FUCA1: variants seen among roughly 807,000 people sequenced by gnomAD.
FUCA1 encodes tissue alpha-L-fucosidase.
Under a neutral mutation model 56.8 loss-of-function variants are expected in FUCA1, and 52 were observed. The observed-to-expected ratio is 0.92, with a 90% CI of 0.73 to 1.15. The LOEUF (loss-of-function observed/expected upper bound fraction) is 1.15, where lower values mean the gene tolerates loss of function less well. FUCA1 is among the 50% of genes most tolerant of loss of function. FUCA1 has a pLI of 0.00. For missense variants in FUCA1, 568 were observed against 592.6 expected, an observed-to-expected ratio of 0.96 and a Z score of 0.43; for synonymous variants, 230 against 226.6, an observed-to-expected ratio of 1.02 and a Z score of -0.14.
At chr1:23,862,381 G>A (rs1265299376) in intron 3 of FUCA1, among the ~76,000 whole-genome samples, 1 of 152,126 alleles carries the variant, frequency 6.6e-6, no homozygotes, top group Non-Finnish European at 1.5e-5. Context: ...TGGCCAGGCT[G>A]GTCTCGAACT....
chr1:23,868,109 C>T lies in FUCA1; in HGVS notation c.178G>A (p.Val60Met), dbSNP rs774464015. The part of the protein sequence containing the change: ...PAWFDEAKFG[V>M]FIHWGVFSVP... ...GAGAACACGCCCCAGTGGATGAACA[C>T]CCCGAACTTGGCTTCGTCGAACCAG... Residue 60 changes from valine to methionine, a missense_variant, in exon 1 of 8, where the codon GTG becomes ATG. By Grantham distance (21) the Val-to-Met change is conservative. Coordinates refer to ENST00000374479, the MANE Select transcript of FUCA1 (RefSeq NM_000147.5). 3 of 1,611,912 alleles carry T rather than the reference C, an allele frequency of 1.9e-6. No homozygotes were observed. In the Admixed American group the frequency reaches 5.0e-5, roughly 27 times the overall value.
chr1:23,848,585 A>C, intron 6 of FUCA1, 64 bp downstream of exon 6: 6 of 1,492,782 alleles, frequency 4.0e-6, no homozygotes, highest in Non-Finnish European at 5.6e-6. Context: ...TGTGGACCCA[A>C]GGAGATACCA....
In FUCA1 at chr1:23,845,582, T is replaced by C. The variant is rs1639120755; in HGVS notation, c.*133A>G. On this transcript the variant is annotated 3_prime_UTR_variant, in exon 8 of 8. Transcript: ENST00000374479. ...ATCAGGGTAATGTACTCAGTTCCTT[T>C]AATTAAAATGTGTTGGAAAAGCCAT... 2 of 1,046,386 alleles carry C rather than the reference T, an allele frequency of 1.9e-6. No homozygotes were observed. Among genetic ancestry groups the C allele is most frequent in the African/African-American group, 1.6e-5 (1 of 63,578 alleles). The allele number at this position is 1,046,386 out of a possible 1,614,324, so 64.8% of individuals were successfully genotyped here. A position where few individuals can be genotyped will look rare whatever the true frequency, so the allele number is the denominator to read the frequency against.
chr1:23,853,189 G>T, intron 5 of FUCA1, among the ~76,000 whole-genome samples: 1 of 151,166 alleles, frequency 6.6e-6, no homozygotes, highest in Non-Finnish European at 1.5e-5. Context: ...GAGGTGAGGA[G>T]CGTCTCTGCC....
intron 4 of FUCA1, among the ~76,000 whole-genome samples, chr1:23,854,931 T>A (rs549017907): frequency 3.3e-5 from 5 of 152,278 alleles, no homozygotes; most frequent in African/African-American, 9.6e-5. Flanking sequence ...ATCTGGTAAA[T>A]CACTTTTTCT....
At chr1:23,855,630 T>C (rs1186489669) in intron 4 of FUCA1, among the ~76,000 whole-genome samples, 1 of 152,266 alleles carries the variant, frequency 6.6e-6, no homozygotes, top group Non-Finnish European at 1.5e-5. Context: ...GTTTCTCCTA[T>C]GGAAGCTAGT....
At chr1:23,864,126 G>A (rs143903189) in intron 2 of FUCA1, among the ~76,000 whole-genome samples, 1,491 of 131,842 alleles carry the variant, frequency 0.011, 11 homozygotes, top group Non-Finnish European at 0.016. Context: ...TCGCTCTGTC[G>A]CCCAGGCTGG....
intron 3 of FUCA1, 64 bp from the exon 4 acceptor site, chr1:23,859,967 A>T: frequency 1.7e-6 from 2 of 1,165,468 alleles, no homozygotes; most frequent in South Asian, 2.5e-5. Flanking sequence ...AATCTTATGG[A>T]CCATTTTTTT....
chr1:23,854,306 T>C, intron 5 of FUCA1, 54 bp downstream of exon 5: 1 of 1,363,928 alleles, frequency 7.3e-7, no homozygotes, highest in Non-Finnish European at 1.0e-6. Context: ...AAATAAATCA[T>C]ACTGCATGTT....
At chr1:23,846,564 C>T (rs1181308837) in intron 6 of FUCA1, among the ~76,000 whole-genome samples, 2 of 151,040 alleles carry the variant, frequency 1.3e-5, no homozygotes, top group Non-Finnish European at 2.9e-5. Context: ...AGCCATTGCA[C>T]TCAGCTCCTT....
intron 5 of FUCA1, among the ~76,000 whole-genome samples, chr1:23,851,274 G>T (rs1406356401): frequency 6.6e-6 from 1 of 152,100 alleles, no homozygotes; most frequent in Non-Finnish European, 1.5e-5. Flanking sequence ...TGAGGCAGGA[G>T]AATTGCTTGA....
intron 5 of FUCA1, among the ~76,000 whole-genome samples, chr1:23,853,591 T>G (rs1434007925): frequency 1.3e-5 from 2 of 151,674 alleles, no homozygotes; most frequent in East Asian, 3.9e-4. Context: ...GAACGGGCCA[T>G]GATGACAATG....
chr1:23,852,633 G>A (rs543271216), intron 5 of FUCA1, among the ~76,000 whole-genome samples: 5 of 152,200 alleles, frequency 3.3e-5, no homozygotes, highest in African/African-American at 7.2e-5. Flanking sequence ...GCGCCACCAC[G>A]CCTGACTGGT....
Position 23,859,823 on chromosome 1 carries a change from C to T in FUCA1, c.743G>A (p.Trp248Ter), listed in dbSNP as rs779997694. The T allele has an allele frequency of 6.2e-7, 1 of 1,610,382 alleles. No individual in the cohort carries two copies. The highest frequency in any genetic ancestry group is 1.1e-5 in the South Asian group (1 of 91,024). ...TYWNSTNFLS[W>*]LYNDSPVKDE... Reference sequence around the variant, plus strand: ...CTTGACAGGGCTGTCATTGTAGAGCCATGAAAGAAAATTTGTGGAGTTCCA... The same window carrying T: ...CTTGACAGGGCTGTCATTGTAGAGCTATGAAAGAAAATTTGTGGAGTTCCA... Residue 248 changes from tryptophan (W) to a stop codon, truncating the protein, a stop_gained, in exon 4 of 8, where the codon TGG becomes TAG. Transcript: ENST00000374479. LOFTEE classifies it high-confidence loss of function.
At position 23,845,478 on chromosome 1, in the gene FUCA1, T is replaced by A. The variant is rs769102813; in HGVS notation, c.*237A>T. Reference sequence around the variant, plus strand: ...ATATTACAATTGATGAACTCAGAGTTCAACTGCTCAGTTCCTTCTTCTGCT... The same window carrying A: ...ATATTACAATTGATGAACTCAGAGTACAACTGCTCAGTTCCTTCTTCTGCT... On this transcript the variant is annotated 3_prime_UTR_variant, in exon 8 of 8. Coordinates refer to ENST00000374479, the MANE Select transcript of FUCA1 (RefSeq NM_000147.5). 1.8e-6 allele frequency: 1 copy of A among 569,504 alleles called. No homozygotes were observed. Among genetic ancestry groups the A allele is most frequent in the East Asian group, 3.0e-5 (1 of 32,936 alleles). 35.3% of individuals were successfully genotyped at this position (569,504 alleles called of 1,614,324 possible).
chr1:23,865,645 A>G lies in FUCA1; in HGVS notation c.390-20T>C, dbSNP rs1460987220. 5.0e-6 allele frequency: 8 copies of G among 1,614,106 alleles called. No homozygotes were observed. The highest frequency in any genetic ancestry group is 5.9e-6 in the Non-Finnish European group (7 of 1,180,042). ...ACATACCTGTGGACAGCAAAACCACATGAGCAAAGGAAGTGGGCAGTGAAC... is the reference window on the plus strand; with the variant it reads ...ACATACCTGTGGACAGCAAAACCACGTGAGCAAAGGAAGTGGGCAGTGAAC... On this transcript the variant is annotated intron_variant, in intron 1 of 7. Transcript: ENST00000374479.
chr1:23,851,449 CT>C (rs1639257757), intron 5 of FUCA1, among the ~76,000 whole-genome samples: 2 of 152,012 alleles, frequency 1.3e-5, no homozygotes, highest in Admixed American at 1.3e-4. Context: ...TGGGAAGGAC[CT>C]CTGCACAACT....
At chr1:23,850,175 GCA>G (rs1383973550) in intron 5 of FUCA1, among the ~76,000 whole-genome samples, 1 of 151,572 alleles carries the variant, frequency 6.6e-6, no homozygotes, top group Non-Finnish European at 1.5e-5. Context: ...AATTAGCTGG[GCA>G]CAGTGGTAGG....
At chr1:23,846,419 C>T (rs938442013) in intron 6 of FUCA1, among the ~76,000 whole-genome samples, 4 of 151,800 alleles carry the variant, frequency 2.6e-5, no homozygotes, top group Admixed American at 6.6e-5. Context: ...TACAGGTGTG[C>T]ACCACCACGC....
Sources: gnomAD v4.1 joint callset for allele counts (sites outside exome capture counted in the v4.1 genomes callset) on GRCh38, gnomAD v4.1.1 for gene constraint, MANE v1.5 for transcripts, NCBI Gene and HGNC (gene_info 2026-07-23, HGNC 2026-07-21) for gene names.